The following ESRRB variants were observed in gnomAD, a reference collection of about 807,000 sequenced individuals.
The protein encoded by ESRRB is steroid hormone receptor ERR2.
Under a neutral mutation model 46.0 loss-of-function variants are expected in ESRRB, and 16 were observed. The observed-to-expected ratio is 0.35, with a 90% CI of 0.24 to 0.53. The LOEUF (loss-of-function observed/expected upper bound fraction) is 0.53, where lower values mean the gene tolerates loss of function less well. ESRRB is among the 20% of genes least tolerant of loss of function. ESRRB has a pLI of 0.93. For missense variants in ESRRB, 488 were observed against 607.4 expected (o/e 0.80, Z 2.07); for synonymous variants, 246 against 259.6 (o/e 0.95, Z 0.50).
upstream of ESRRB, among the ~76,000 whole-genome samples, chr14:76,370,203 C>T (rs1201883229): frequency 6.8e-6 from 1 of 146,534 alleles, no homozygotes; most frequent in East Asian, 2.0e-4. Context: ...GCCTGGGTAA[C>T]ATGGCAAAAC....
At chr14:76,491,192 TAAC>T (rs763943814) in intron 5 of ESRRB, among the ~76,000 whole-genome samples, 10 of 152,224 alleles carry the variant, frequency 6.6e-5, no homozygotes, top group Non-Finnish European at 1.3e-4. Flanking sequence ...ATCATAATGA[TAAC>T]AACAACTGTC....
At chr14:76,372,788 T>C (rs948775248), upstream of ESRRB, among the ~76,000 whole-genome samples, 5 of 152,164 alleles carry the variant, frequency 3.3e-5, no homozygotes, top group Admixed American at 3.3e-4. Context: ...GCTGAGATCA[T>C]GCCACTGCAC....
At chr14:76,352,441 G>A (rs113318298) in intron 1 of ESRRB, among the ~76,000 whole-genome samples, 174 of 152,332 alleles carry the variant, frequency 1.1e-3, no homozygotes, top group African/African-American at 2.8e-3. Context: ...AAAGGGTTGA[G>A]CTACCTTAAC....
At chr14:76,413,502 C>G (rs1411699370) in intron 1 of ESRRB, among the ~76,000 whole-genome samples, 2 of 152,150 alleles carry the variant, frequency 1.3e-5, no homozygotes, top group East Asian at 3.9e-4. Flanking sequence ...TCCTTCAAGA[C>G]GTAGGCTAAA....
chr14:76,384,110 T>G (rs764487378), intron 1 of ESRRB, among the ~76,000 whole-genome samples: 5 of 152,146 alleles, frequency 3.3e-5, no homozygotes, highest in Non-Finnish European at 7.3e-5. Flanking sequence ...AACATTTCCT[T>G]TTGATGGTGA....
At position 76,482,728 on chromosome 14, in the gene ESRRB, G is replaced by A. The variant is rs752778049; in HGVS notation, c.819G>A (p.Val273=). ...TLCDLADREL[V]VIIGWAKHIP... ...GTGACCTGGCAGACCGAGAGCTTGT[G>A]GTCATCATTGGCTGGGCCAAGCACA... is the stretch of plus-strand genomic sequence containing the variant. The change falls in exon 5 of 7, where the codon GTG becomes GTA. Residue 273 remains valine, a synonymous_variant. Coordinates refer to ENST00000644823, the MANE Select transcript of ESRRB (RefSeq NM_001379180.1). The surrounding 1 kb of genome is among the most constrained non-coding windows in gnomAD (Gnocchi z 4.3). The A allele has an allele frequency of 1.9e-6, 3 of 1,614,146 alleles. No individual in the cohort carries two copies. In the South Asian group the frequency reaches 3.3e-5, roughly 18 times the overall value.
intron 3 of ESRRB, among the ~76,000 whole-genome samples, chr14:76,469,017 A>G (rs947488083): frequency 6.6e-6 from 1 of 152,068 alleles, no homozygotes; most frequent in African/African-American, 2.4e-5. Context: ...GGTATTCCCA[A>G]TCCTGACAAA....
intron 2 of ESRRB, among the ~76,000 whole-genome samples, chr14:76,459,280 T>C (rs1374682996): frequency 6.6e-6 from 1 of 151,906 alleles, no homozygotes; most frequent in Non-Finnish European, 1.5e-5. Context: ...TGTGTGCGCA[T>C]TGAGCGGCTG....
intron 1 of ESRRB, among the ~76,000 whole-genome samples, chr14:76,434,821 G>A (rs1887604161): frequency 6.6e-6 from 1 of 152,156 alleles, no homozygotes; most frequent in Non-Finnish European, 1.5e-5. Flanking sequence ...TAGCAGAGAG[G>A]CAGAGTGCTG....
At chr14:76,390,090 G>A (rs1307940953) in intron 1 of ESRRB, among the ~76,000 whole-genome samples, 29 of 152,130 alleles carry the variant, frequency 1.9e-4, no homozygotes, top group African/African-American at 2.4e-5. Flanking sequence ...CACTGGCTCC[G>A]TCACATCCCA....
intron 1 of ESRRB, among the ~76,000 whole-genome samples, chr14:76,431,780 T>C (rs1229040868): frequency 6.6e-6 from 1 of 152,186 alleles, no homozygotes; most frequent in Non-Finnish European, 1.5e-5. Flanking sequence ...GAGTCAATAG[T>C]TATCGATCCA....
At chr14:76,456,549 G>A (rs1008407367) in intron 2 of ESRRB, among the ~76,000 whole-genome samples, 11 of 152,124 alleles carry the variant, frequency 7.2e-5, no homozygotes, top group African/African-American at 2.7e-4. Flanking sequence ...GGATCTTAGG[G>A]GTAGATATGG....
At chr14:76,420,244 G>A (rs909272018) in intron 1 of ESRRB, among the ~76,000 whole-genome samples, 1 of 152,122 alleles carries the variant, frequency 6.6e-6, no homozygotes, top group African/African-American at 2.4e-5. Flanking sequence ...CTTACCTCCT[G>A]TTTCATGTAT....
chr14:76,435,529 A>G (rs1048553409), intron 1 of ESRRB, among the ~76,000 whole-genome samples: 4 of 152,238 alleles, frequency 2.6e-5, no homozygotes, highest in Admixed American at 2.0e-4. Context: ...GGAGGCCAAA[A>G]TAATAGTTAT....
chr14:76,444,213 A>G (rs1332503272), intron 2 of ESRRB, among the ~76,000 whole-genome samples: 1 of 151,992 alleles, frequency 6.6e-6, no homozygotes, highest in East Asian at 1.9e-4. Flanking sequence ...TTGTATTTTT[A>G]GTAGAGACGG....
intron 1 of ESRRB, chr14:76,311,020 C>CTCTCTCTCTCT (rs1883726342): frequency 7.5e-6 from 3 of 397,816 alleles, no homozygotes; most frequent in African/African-American, 2.3e-5. Flanking sequence ...CTCTCTCTCT[C>CTCTCTCTCTCT]AATGGATAAA....
rs542052653 is a variant in ESRRB at position 76,359,052 on chromosome 14, G to A, written c.2+48136G>A. 4.6e-5 allele frequency among the ~76,000 whole-genome samples: 7 copies of A among 152,300 alleles called. No individual in the cohort carries two copies. In the South Asian group the frequency reaches 1.5e-3, roughly 32 times the overall value. On this transcript the variant is annotated intron_variant, in intron 1 of 6. Transcript: ENST00000512784. The stretch of plus-strand genomic sequence containing the variant: ...ACCACTGCCCTGAAATAACCTTCTA[G>A]AATACCAAGCATGTTGGTAGGGGAA...
At chr14:76,352,140 G>C (rs1566858265) in intron 1 of ESRRB, among the ~76,000 whole-genome samples, 1 of 152,116 alleles carries the variant, frequency 6.6e-6, no homozygotes, top group African/African-American at 2.4e-5. Context: ...ACAGGCTGGA[G>C]TGAACTGTGT....
chr14:76,467,185 C>T (rs1889153146), intron 3 of ESRRB, among the ~76,000 whole-genome samples: 1 of 151,992 alleles, frequency 6.6e-6, no homozygotes. Flanking sequence ...TGTCAGCTCC[C>T]TTGATGCGTT....
Sources: gnomAD v4.1 joint callset for allele counts (sites outside exome capture counted in the v4.1 genomes callset) on GRCh38, gnomAD v4.1.1 for gene constraint, Gnocchi (gnomAD v3.1) non-coding constraint, MANE v1.5 for transcripts, NCBI Gene and HGNC (gene_info 2026-07-23, HGNC 2026-07-21) for gene names.